The following STARD9 variants were observed in gnomAD, a reference collection of about 807,000 sequenced individuals.
The protein encoded by STARD9 is stAR-related lipid transfer protein 9.
STARD9 carries 346 observed loss-of-function variants against 399.8 expected under a neutral mutation model. The observed-to-expected ratio is 0.87, with a 90% CI of 0.79 to 0.95. The LOEUF (loss-of-function observed/expected upper bound fraction) is 0.95, where lower values mean the gene tolerates loss of function less well. Ranked by LOEUF, STARD9 falls within the 40% of genes least tolerant of loss-of-function variation. STARD9 has a pLI of 0.00. For missense variants in STARD9, 5,832 were observed against 5,667.5 expected, an observed-to-expected ratio of 1.03 and a Z score of -0.93; for synonymous variants, 2,203 against 2,143.5, an observed-to-expected ratio of 1.03 and a Z score of -0.77.
chr15:42,617,955 C>T (rs564039961), intron 3 of STARD9, among the ~76,000 whole-genome samples: 12 of 151,880 alleles, frequency 7.9e-5, no homozygotes, highest in Admixed American at 5.3e-4. Context: ...ATACGGGGTC[C>T]CACTATCTTA....
intron 3 of STARD9, among the ~76,000 whole-genome samples, chr15:42,606,830 C>T (rs963339080): frequency 6.6e-6 from 1 of 151,908 alleles, no homozygotes; most frequent in African/African-American, 2.4e-5. Context: ...CTTCTGAATC[C>T]CCTGAGTAGA....
intron 10 of STARD9, among the ~76,000 whole-genome samples, chr15:42,662,470 AAAC>A (rs1428242481): frequency 1.3e-5 from 2 of 152,234 alleles, no homozygotes; most frequent in Non-Finnish European, 2.9e-5. Flanking sequence ...TAGGAATTTA[AAAC>A]AATAGAGAAG....
intron 22 of STARD9, among the ~76,000 whole-genome samples, chr15:42,683,723 T>C (rs1286228092): frequency 6.6e-6 from 1 of 152,224 alleles, no homozygotes; most frequent in Non-Finnish European, 1.5e-5. Flanking sequence ...CTTCTTGTTT[T>C]ATTTGTAATC....
Position 42,695,887 on chromosome 15 carries a change from A to G in STARD9, c.13284+7A>G. The G allele has an allele frequency of 6.5e-7, 1 of 1,536,682 alleles. No homozygotes were observed. Among genetic ancestry groups the G allele is most frequent in the Non-Finnish European group, 8.7e-7 (1 of 1,146,544 alleles). The stretch of plus-strand genomic sequence containing the variant: ...CCAGTTCCCAGAGAATATGGTGAGT[A>G]GGCAGATGTTGGGAATGAGCCAGGG... On this transcript the variant is annotated splice_region_variant and intron_variant, in intron 26 of 32. Transcript: ENST00000290607.
chr15:42,624,697 C>A lies in STARD9; in HGVS notation c.235-10159C>A, dbSNP rs991062811. ...CCAAGTAGCTGGGACTACAGGCATGCGCCACCACGCCCAGCTAATTTTTGT... is the reference window on the plus strand; with the variant it reads ...CCAAGTAGCTGGGACTACAGGCATGAGCCACCACGCCCAGCTAATTTTTGT... On this transcript the variant is annotated intron_variant, in intron 3 of 32. Coordinates refer to ENST00000290607, the MANE Select transcript of STARD9 (RefSeq NM_020759.3). 2.0e-5 allele frequency among the ~76,000 whole-genome samples: 3 copies of A among 151,124 alleles called. No individual in the cohort carries two copies. In the East Asian group the frequency reaches 5.9e-4, roughly 30 times the overall value.
intron 1 of STARD9, among the ~76,000 whole-genome samples, chr15:42,582,335 CTAAT>C (rs377352263): frequency 2.0e-5 from 3 of 152,170 alleles, no homozygotes; most frequent in African/African-American, 7.2e-5. Context: ...GGAGGATGTT[CTAAT>C]TAATTCTCAT....
In STARD9 at chr15:42,582,546, G is replaced by C. The variant is rs182808223; in HGVS notation, c.48-800G>C. Among the ~76,000 whole-genome samples, 7 of 152,294 alleles carry C rather than the reference G, an allele frequency of 4.6e-5. No homozygotes were observed. In the East Asian group the frequency reaches 1.4e-3, roughly 29 times the overall value. On this transcript the variant is annotated intron_variant, in intron 1 of 32. Transcript: ENST00000290607. ...CTTGGCCCTGCTTCTGATTTAAGAAGATATAAAGAAAGGATTTGAGAAATA... is the reference window on the plus strand; with the variant it reads ...CTTGGCCCTGCTTCTGATTTAAGAACATATAAAGAAAGGATTTGAGAAATA...
chr15:42,690,352 T>C lies in STARD9; in HGVS notation c.8774T>C (p.Leu2925Ser). ...CCATGTAGACACCCAAGGGAAGCTT[T>C]AGATGGCCCTGTCTTCTCAAGGAAC... ...EAPCRHPREA[L>S]DGPVFSRNPE... The change falls in exon 23 of 33, where the codon TTA becomes TCA. Residue 2925 changes from leucine (L) to serine (S), a missense_variant. Physicochemically the swap from Leu to Ser is moderately radical, Grantham distance 145 (BLOSUM62 -2). This residue lies in a region of STARD9 where 5,828 missense variants were observed against 5,651.1 expected (regional missense o/e 1.03). Transcript: ENST00000290607. 2 of 1,537,210 alleles carry C rather than the reference T, an allele frequency of 1.3e-6. No homozygotes were observed. The highest frequency in any genetic ancestry group is 1.2e-5 in the South Asian group (1 of 84,052).
chr15:42,698,520 T>A (rs1488199354), intron 26 of STARD9, among the ~76,000 whole-genome samples: 1 of 152,320 alleles, frequency 6.6e-6, no homozygotes, highest in East Asian at 1.9e-4. Context: ...CTCTTACCAA[T>A]TTGGAGAGTT....
chr15:42,593,801 C>T (rs970482309), intron 3 of STARD9, among the ~76,000 whole-genome samples: 1 of 151,118 alleles, frequency 6.6e-6, no homozygotes, highest in African/African-American at 2.4e-5. Flanking sequence ...GTAGCTGGGA[C>T]TACAGGCGCC....
intron 3 of STARD9, among the ~76,000 whole-genome samples, chr15:42,594,446 C>T (rs537743332): frequency 6.6e-6 from 1 of 152,200 alleles, no homozygotes; most frequent in Non-Finnish European, 1.5e-5. Flanking sequence ...AGTTAAATTG[C>T]AGAAAATTGT....
At chr15:42,656,432 A>G (rs1338732198) in intron 9 of STARD9, among the ~76,000 whole-genome samples, 1 of 150,586 alleles carries the variant, frequency 6.6e-6, no homozygotes, top group Non-Finnish European at 1.5e-5. Context: ...ATAAACTAGT[A>G]TCACCATTAT....
intron 9 of STARD9, 41 bp from the exon 10 acceptor site, chr15:42,661,117 A>C (rs769617845): frequency 7.0e-7 from 1 of 1,427,336 alleles, no homozygotes; most frequent in Non-Finnish European, 9.6e-7. Flanking sequence ...AAACAATACA[A>C]ATCGTTCCAA....
chr15:42,639,225 T>C (rs2059484781), intron 7 of STARD9, among the ~76,000 whole-genome samples: 1 of 152,074 alleles, frequency 6.6e-6, no homozygotes, highest in Non-Finnish European at 1.5e-5. Flanking sequence ...GGGAGTGGAA[T>C]GGACTAGAGC....
intron 7 of STARD9, among the ~76,000 whole-genome samples, chr15:42,649,172 G>A (rs1322327728): frequency 2.6e-5 from 4 of 152,106 alleles, no homozygotes; most frequent in Non-Finnish European, 2.9e-5. Context: ...TGGGATTACA[G>A]TCGCGCACCA....
chr15:42,661,526 C>T (rs1044088708), intron 10 of STARD9, among the ~76,000 whole-genome samples: 4 of 151,882 alleles, frequency 2.6e-5, no homozygotes, highest in Non-Finnish European at 4.4e-5. Context: ...CTCATTGTAA[C>T]CCTGAACTAC....
chr15:42,599,914 A>G (rs2058588604), intron 3 of STARD9, among the ~76,000 whole-genome samples: 1 of 152,238 alleles, frequency 6.6e-6, no homozygotes, highest in African/African-American at 2.4e-5. Context: ...AATCGTACTT[A>G]GAGTAAGTAC....
chr15:42,688,546 G>A lies in STARD9; in HGVS notation c.6968G>A (p.Cys2323Tyr), dbSNP rs770223123. The change falls in exon 23 of 33, where the codon TGT becomes TAT. Residue 2323 changes from cysteine to tyrosine, a missense_variant. Coordinates refer to ENST00000290607, the MANE Select transcript of STARD9 (RefSeq NM_020759.3). The stretch of plus-strand genomic sequence containing the variant: ...CCATTACTAAGCCGGACAGAATTCT[G>A]TACAGCTCCTCTTCACCAAGACCTG... The part of the protein sequence containing the change: ...VSPLLSRTEF[C>Y]TAPLHQDLSN... The A allele has an allele frequency of 2.0e-6, 3 of 1,537,840 alleles. No individual in the cohort carries two copies. The highest frequency in any genetic ancestry group is 1.7e-4 in the Middle Eastern group (1 of 5,994).
At chr15:42,681,202 C>G (rs905679311) in intron 20 of STARD9, among the ~76,000 whole-genome samples, 2 of 152,206 alleles carry the variant, frequency 1.3e-5, no homozygotes, top group Non-Finnish European at 2.9e-5. Flanking sequence ...CCCCACAACT[C>G]TAAGACTATG....
Sources: gnomAD v4.1 joint callset for allele counts (sites outside exome capture counted in the v4.1 genomes callset) on GRCh38, gnomAD v4.1.1 for gene constraint, gnomAD v4.1.1 regional missense constraint, MANE v1.5 for transcripts, NCBI Gene and HGNC (gene_info 2026-07-23, HGNC 2026-07-21) for gene names.